DAZAP2: variants seen among roughly 807,000 people sequenced by gnomAD.
DAZAP2 encodes DAZ-associated protein 2.
In DAZAP2, 3 loss-of-function variants were observed where a neutral mutation model predicts 16.2. The ratio of observed to expected loss-of-function variants is 0.19; its 90% CI spans 0.08 to 0.48. The LOEUF (loss-of-function observed/expected upper bound fraction) is 0.48, where lower values mean the gene tolerates loss of function less well. Among genes scored for constraint, DAZAP2 ranks in the 20% least tolerant of loss-of-function variants. The pLI is 0.98. For missense variants in DAZAP2, 172 were observed against 215.9 expected (o/e 0.80, Z 1.27); for synonymous variants, 69 against 77.6 (o/e 0.89, Z 0.58).
In DAZAP2 at chr12:51,238,846, C is replaced by G. The variant is rs986333325; in HGVS notation, c.-62C>G. 3.1e-6 allele frequency: 5 copies of G among 1,611,624 alleles called. No homozygotes were observed. Among genetic ancestry groups the G allele is most frequent in the Non-Finnish European group, 3.4e-6 (4 of 1,179,576 alleles). On this transcript the variant is annotated 5_prime_UTR_variant, in exon 1 of 4. Coordinates refer to ENST00000412716, the MANE Select transcript of DAZAP2 (RefSeq NM_014764.4). ...CATGTGACACGGAAGTAGCTCCGAA[C>G]AGGAAGAGGACGAAAAAAATAACCG...
downstream of DAZAP2, chr12:51,245,565 CACTAGGTGACCA>C (rs1390808576): frequency 1.1e-4 from 21 of 187,358 alleles, no homozygotes; most frequent in African/African-American, 4.7e-4. Flanking sequence ...CTGGGGCTAT[CACTAGGTGACCA>C]GGTAGGGGAC....
chr12:51,238,951 G>C (rs1944604074), intron 1 of DAZAP2, 31 bp downstream of exon 1: 9 of 1,612,596 alleles, frequency 5.6e-6, no homozygotes, highest in South Asian at 1.1e-5. Flanking sequence ...AGGCCGTCGG[G>C]GGGAGTACTG....
At chr12:51,241,211 G>GT in intron 3 of DAZAP2, 95 bp downstream of exon 3, 1 of 1,535,020 alleles carries the variant, frequency 6.5e-7, no homozygotes, top group African/African-American at 1.4e-5. Flanking sequence ...CTGGATGATA[G>GT]TTGCCAGTGT....
Position 51,242,317 on chromosome 12 carries a change from C to T in DAZAP2, c.379-13C>T, listed in dbSNP as rs1944692086. ...CTGCCCTGTGCCCATTCTATCATGT[C>T]ATTTCCTTTCAGCCTCCACCTCCTG... On this transcript the variant is annotated splice_polypyrimidine_tract_variant and intron_variant, in intron 3 of 3. Transcript: ENST00000412716. The T allele has an allele frequency of 4.4e-6, 7 of 1,574,912 alleles. No individual in the cohort carries two copies. The highest frequency in any genetic ancestry group is 5.2e-6 in the Non-Finnish European group (6 of 1,161,242).
chr12:51,246,405 A>G (rs1944770306), downstream of DAZAP2: 3 of 475,420 alleles, frequency 6.3e-6, no homozygotes, highest in Admixed American at 3.6e-5. Flanking sequence ...GGAAGGAGGG[A>G]ACAGGAAATG....
chr12:51,241,915 C>CT (rs1183079547), intron 3 of DAZAP2, among the ~76,000 whole-genome samples: 1 of 150,302 alleles, frequency 6.7e-6, no homozygotes, highest in Non-Finnish European at 1.5e-5. Flanking sequence ...GAGCAAGACT[C>CT]TATCTCAAAA....
chr12:51,243,221 G>C lies in DAZAP2; in HGVS notation c.*763G>C. 2 of 985,832 alleles carry C rather than the reference G, an allele frequency of 2.0e-6. No homozygotes were observed. The highest frequency in any genetic ancestry group is 2.4e-6 in the Non-Finnish European group (2 of 829,968). The allele number at this position is 985,832 out of a possible 1,614,324, so 61.1% of individuals were successfully genotyped here. The stretch of plus-strand genomic sequence containing the variant: ...GCATACACGAACCTAACCCAAATTT[G>C]CTTTGGTGCCAGAAAAACTGAGCTA... On this transcript the variant is annotated 3_prime_UTR_variant, in exon 4 of 4. Coordinates refer to ENST00000412716, the MANE Select transcript of DAZAP2 (RefSeq NM_014764.4).
chr12:51,240,550 C>T, intron 2 of DAZAP2, 89 bp downstream of exon 2: 1 of 1,196,430 alleles, frequency 8.4e-7, no homozygotes, highest in Non-Finnish European at 1.2e-6. Context: ...CACATATTTA[C>T]TCTTCACAAA....
Position 51,239,054 on chromosome 12 carries a change from G to A in DAZAP2, c.13+134G>A, listed in dbSNP as rs1390128360. The A allele has an allele frequency of 6.8e-6, 9 of 1,321,690 alleles. No individual in the cohort carries two copies. The Admixed American group carries it at 2.1e-4, about 31-fold the overall frequency. 81.9% of individuals were successfully genotyped at this position (1,321,690 alleles called of 1,614,324 possible). ...TGCTCCTTGGCCGGCTGCAGTCCAGGGCGCTGCGCCTGACGCCTTCGTCAT... is the reference window on the plus strand; with the variant it reads ...TGCTCCTTGGCCGGCTGCAGTCCAGAGCGCTGCGCCTGACGCCTTCGTCAT... On this transcript the variant is annotated intron_variant, in intron 1 of 3. Transcript: ENST00000412716.
At chr12:51,240,242 C>T (rs1457445458) in intron 1 of DAZAP2, 101 bp from the exon 2 acceptor site, 4 of 849,592 alleles carry the variant, frequency 4.7e-6, no homozygotes, top group Admixed American at 1.8e-5. Flanking sequence ...ATTTGCAAAT[C>T]CCCTTCTGCT....
chr12:51,246,082 G>A (rs200619808), downstream of DAZAP2: 49 of 1,613,938 alleles, frequency 3.0e-5, no homozygotes, highest in African/African-American at 3.7e-4. Context: ...TCAAGATCAC[G>A]ACCGAGAGCA....
At chr12:51,246,638 G>GTGTT, downstream of DAZAP2, 3 of 629,520 alleles carry the variant, frequency 4.8e-6, no homozygotes, top group Non-Finnish European at 8.0e-6. Context: ...GTGTGTGTGT[G>GTGTT]TAATATAACT....
Position 51,240,889 on chromosome 12 carries a change from G to T in DAZAP2, c.151G>T (p.Val51Leu), listed in dbSNP as rs1439540357. 2 of 1,613,950 alleles carry T rather than the reference G, an allele frequency of 1.2e-6. No homozygotes were observed. The highest frequency in any genetic ancestry group is 1.7e-6 in the Non-Finnish European group (2 of 1,179,896). ...AYSELYRPSFVHPGAATVPTM... is the reference protein window; with the variant it reads ...AYSELYRPSFLHPGAATVPTM... ...CTTCTAGCTCTATCGTCCGAGCTTT[G>T]TGCACCCAGGGGCTGCCACAGTCCC... is the stretch of plus-strand genomic sequence containing the variant. Residue 51 changes from valine (V) to leucine (L), a missense_variant, in exon 3 of 4, where the codon GTG becomes TTG. Coordinates refer to ENST00000412716, the MANE Select transcript of DAZAP2 (RefSeq NM_014764.4).
intron 2 of DAZAP2, 125 bp downstream of exon 2, chr12:51,240,586 T>G: frequency 9.7e-7 from 1 of 1,032,718 alleles, no homozygotes; most frequent in Middle Eastern, 2.1e-4. Context: ...TCTAAAACAC[T>G]ATATAATTTG....
chr12:51,246,410 G>T (rs989567790), downstream of DAZAP2: 2 of 469,790 alleles, frequency 4.3e-6, no homozygotes, highest in Non-Finnish European at 7.5e-6. Flanking sequence ...GAGGGAACAG[G>T]AAATGGCTTA....
Position 51,238,831 on chromosome 12 carries a change from G to A in DAZAP2, c.-77G>A, listed in dbSNP as rs1457937118. Reference sequence around the variant, plus strand: ...AGGCGGACGGACCATCATGTGACACGGAAGTAGCTCCGAACAGGAAGAGGA... The same window carrying A: ...AGGCGGACGGACCATCATGTGACACAGAAGTAGCTCCGAACAGGAAGAGGA... On this transcript the variant is annotated 5_prime_UTR_variant, in exon 1 of 4. Coordinates refer to ENST00000412716, the MANE Select transcript of DAZAP2 (RefSeq NM_014764.4). The A allele has an allele frequency of 2.1e-5, 33 of 1,609,340 alleles. No individual in the cohort carries two copies. Among genetic ancestry groups the A allele is most frequent in the African/African-American group, 1.3e-5 (1 of 74,848 alleles).
rs922257502 is a variant in DAZAP2, at chr12:51,240,085, T to C, written c.14-258T>C. ...ATTCCGGAGGGAACTTGGGCCCAGGTAGACTTAACCCCTTACTTCGGTATG... is the reference window on the plus strand; with the variant it reads ...ATTCCGGAGGGAACTTGGGCCCAGGCAGACTTAACCCCTTACTTCGGTATG... On this transcript the variant is annotated intron_variant, in intron 1 of 3. Coordinates refer to ENST00000412716, the MANE Select transcript of DAZAP2 (RefSeq NM_014764.4). 6.0e-5 allele frequency: 28 copies of C among 469,464 alleles called. 1 individual carries two copies. The highest frequency in any genetic ancestry group is 5.7e-4 in the South Asian group (24 of 42,108). The allele number at this position is 469,464 out of a possible 1,614,324, so 29.1% of individuals were successfully genotyped here. A position where few individuals can be genotyped will look rare whatever the true frequency, so the allele number is the denominator to read the frequency against.
chr12:51,243,722 A>G lies in DAZAP2; in HGVS notation c.*1264A>G. Reference sequence around the variant, plus strand: ...GGTGCACTTAACTTGTGGAATTTTTATACTAAAAATGTAGAATAAAGACTA... The same window carrying G: ...GGTGCACTTAACTTGTGGAATTTTTGTACTAAAAATGTAGAATAAAGACTA... On this transcript the variant is annotated 3_prime_UTR_variant, in exon 4 of 4. Transcript: ENST00000412716. 1.0e-6 allele frequency: 1 copy of G among 985,630 alleles called. No homozygotes were observed. Among genetic ancestry groups the G allele is most frequent in the Non-Finnish European group, 1.2e-6 (1 of 829,728 alleles). 61.1% of individuals were successfully genotyped at this position (985,630 alleles called of 1,614,324 possible). A position where few individuals can be genotyped will look rare whatever the true frequency, so the allele number is the denominator to read the frequency against.
In DAZAP2 at chr12:51,240,867, C is replaced by G. The variant is rs1351289565; in HGVS notation, c.133-4C>G. The G allele has an allele frequency of 3.1e-6, 5 of 1,613,124 alleles. No homozygotes were observed. Among genetic ancestry groups the G allele is most frequent in the Admixed American group, 3.3e-5 (2 of 60,000 alleles). On this transcript the variant is annotated splice_polypyrimidine_tract_variant and splice_region_variant and intron_variant, in intron 2 of 3. Transcript: ENST00000412716. ...CATTTTGCCTTCTCTTCTGCCTCTT[C>G]TAGCTCTATCGTCCGAGCTTTGTGC... is the stretch of plus-strand genomic sequence containing the variant.
Sources: gnomAD v4.1 joint callset for allele counts (sites outside exome capture counted in the v4.1 genomes callset) on GRCh38, gnomAD v4.1.1 for gene constraint, MANE v1.5 for transcripts, NCBI Gene and HGNC (gene_info 2026-07-23, HGNC 2026-07-21) for gene names.